The following REC8 variants were observed in gnomAD, a reference collection of about 807,000 sequenced individuals.
The protein encoded by REC8 is REC8 meiotic recombination protein.
In REC8, 42 loss-of-function variants were observed where a neutral mutation model predicts 78.3. That is an observed-to-expected ratio of 0.54 (90% CI 0.42 to 0.69). The LOEUF is 0.69. Among genes scored for constraint, REC8 ranks in the 30% least tolerant of loss-of-function variants. The pLI is 0.00. For synonymous variants in REC8, 268 were observed against 274.1 expected (o/e 0.98, Z 0.22); for missense variants, 581 against 715.8 (o/e 0.81, Z 2.15).
rs1295611524 is a variant in REC8, at chr14:24,173,318, G to A, written c.369G>A (p.Leu123=). Residue 123 remains leucine (L), a synonymous_variant, in exon 5 of 19, where the codon CTG becomes CTA. Transcript: ENST00000611366. ...ELPSLLLPNH[L]AMMETLEDAP... is the part of the protein sequence containing the mutation. ...CCAGCCTGCTGCTTCCTAACCACCT[G>A]GCCATGATGGAGACCCTAGAAGATG... is the stretch of plus-strand genomic sequence containing the variant. 2 of 1,614,052 alleles carry A rather than the reference G, an allele frequency of 1.2e-6. No homozygotes were observed. Among genetic ancestry groups the A allele is most frequent in the Non-Finnish European group, 1.7e-6 (2 of 1,180,016 alleles).
At chr14:24,175,863 C>T (rs1470202024) in intron 6 of REC8, among the ~76,000 whole-genome samples, 3 of 151,914 alleles carry the variant, frequency 2.0e-5, no homozygotes, top group African/African-American at 4.8e-5. Context: ...CTACCATGCC[C>T]GGCGAATTTT....
intron 11 of REC8, 159 bp from the exon 12 acceptor site, chr14:24,177,932 T>G (rs2038973862): frequency 1.5e-5 from 22 of 1,498,880 alleles, no homozygotes; most frequent in Non-Finnish European, 2.0e-5. Context: ...ATGGGTACCC[T>G]TATGCAAGGT....
chr14:24,179,284 A>T, intron 15 of REC8, 113 bp from the exon 16 acceptor site: 2 of 1,275,286 alleles, frequency 1.6e-6, no homozygotes, highest in Non-Finnish European at 1.1e-6. Context: ...TCTCCCACCT[A>T]TGTGCTTTTA....
chr14:24,177,258 C>A, intron 8 of REC8, 36 bp downstream of exon 8: 1 of 1,611,306 alleles, frequency 6.2e-7, no homozygotes, highest in African/African-American at 1.3e-5. Flanking sequence ...CCGCCTGGAG[C>A]TGGATAGTCA....
intron 5 of REC8, 88 bp downstream of exon 5, chr14:24,173,499 G>C: frequency 6.4e-7 from 1 of 1,573,340 alleles, no homozygotes; most frequent in Non-Finnish European, 8.6e-7. Context: ...GTTGGGGAAG[G>C]AAGCTTACCA....
At chr14:24,176,580 G>A (rs147595427) in intron 6 of REC8, among the ~76,000 whole-genome samples, 2 of 152,172 alleles carry the variant, frequency 1.3e-5, no homozygotes, top group African/African-American at 2.4e-5. Context: ...CTGGGCTCAA[G>A]CGATCCAAAG....
chr14:24,178,579 G>A (rs1487101885), intron 12 of REC8, 27 bp from the exon 13 acceptor site: 2 of 1,611,474 alleles, frequency 1.2e-6, no homozygotes, highest in South Asian at 2.2e-5. Context: ...TTTATAATGG[G>A]GCTTCTGACC....
At chr14:24,175,348 T>A in intron 5 of REC8, 195 bp from the exon 6 acceptor site, 1 of 502,090 alleles carries the variant, frequency 2.0e-6, no homozygotes. Flanking sequence ...GGGGTGCGGG[T>A]TGGGGAGGGA....
At chr14:24,175,851 CA>C in intron 6 of REC8, among the ~76,000 whole-genome samples, 1 of 151,728 alleles carries the variant, frequency 6.6e-6, no homozygotes, top group Non-Finnish European at 1.5e-5. Flanking sequence ...TACAGATGTG[CA>C]CTACCATGCC....
At chr14:24,174,963 C>A (rs192818919) in intron 5 of REC8, among the ~76,000 whole-genome samples, 1 of 151,848 alleles carries the variant, frequency 6.6e-6, no homozygotes, top group African/African-American at 2.4e-5. Flanking sequence ...CTCTGTCAAC[C>A]ACAACACTTG....
Position 24,177,131 on chromosome 14 carries a change from C to T in REC8, c.625-10C>T, listed in dbSNP as rs781330490. The T allele has an allele frequency of 1.9e-6, 3 of 1,613,570 alleles. No homozygotes were observed. Among genetic ancestry groups the T allele is most frequent in the East Asian group, 2.2e-5 (1 of 44,880 alleles). ...TGAATCCCCTCCCCTTGCTCTTCCTCTCTGGACAGGGTGAACGGGAGCTCC... is the reference window on the plus strand; with the variant it reads ...TGAATCCCCTCCCCTTGCTCTTCCTTTCTGGACAGGGTGAACGGGAGCTCC... On this transcript the variant is annotated splice_polypyrimidine_tract_variant and intron_variant, in intron 7 of 18. Transcript: ENST00000611366.
At chr14:24,174,578 C>T (rs2038809759) in intron 5 of REC8, among the ~76,000 whole-genome samples, 1 of 152,070 alleles carries the variant, frequency 6.6e-6, no homozygotes, top group Non-Finnish European at 1.5e-5. Context: ...GTGCCTGGCA[C>T]ATACCCCAGT....
At chr14:24,176,627 T>C (rs1765776935) in intron 6 of REC8, among the ~76,000 whole-genome samples, 195 bp from the exon 7 acceptor site, 1 of 152,064 alleles carries the variant, frequency 6.6e-6, no homozygotes, top group Non-Finnish European at 1.5e-5. Context: ...TCGCCCAGCC[T>C]CCCCACTTTA....
At position 24,172,926 on chromosome 14, in the gene REC8, A is replaced by G. The variant is rs2038731869; in HGVS notation, c.153A>G (p.Val51=). ...AGGAAATCCTCAATTACGTGCTGGT[A>G]CGAGTGCAACCCCCGCAGCCCGGCC... ...TCEEILNYVL[V]RVQPPQPGLP... Residue 51 remains valine, a synonymous_variant, in exon 3 of 19, where the codon GTA becomes GTG. Transcript: ENST00000611366. 6.2e-7 allele frequency: 1 copy of G among 1,611,746 alleles called. No individual in the cohort carries two copies. The highest frequency in any genetic ancestry group is 1.1e-5 in the South Asian group (1 of 91,092).
rs923969552 is a variant in REC8, at chr14:24,177,016, G to C, written c.624+115G>C. The C allele has an allele frequency of 6.1e-6, 8 of 1,319,758 alleles. No individual in the cohort carries two copies. The Admixed American group carries it at 1.3e-4, about 21-fold the overall frequency. 81.8% of individuals were successfully genotyped at this position (1,319,758 alleles called of 1,614,324 possible). On this transcript the variant is annotated intron_variant, in intron 7 of 18. Transcript: ENST00000611366. ...TCCCTATTCTCTGTCCCTGGCACTT[G>C]AGCACCCAGTGGCTTCCTTGAACCT...
At chr14:24,178,550 G>A in intron 12 of REC8, 56 bp from the exon 13 acceptor site, 1 of 1,566,318 alleles carries the variant, frequency 6.4e-7, no homozygotes, top group South Asian at 1.1e-5. Context: ...GAGGCAAAGG[G>A]GCCCTGAGGA....
At position 24,178,817 on chromosome 14, in the gene REC8, T is replaced by C. The variant is rs1001965077; in HGVS notation, c.1104T>C (p.His368=). ...LPPELLGLWT[H]CAQPPPKALR... ...CTGAACTACTGGGTCTCTGGACCCA[T>C]TGTGCCCAGCCACCCCCAAAAGCCC... The change falls in exon 14 of 19, where the codon CAT becomes CAC. Residue 368 remains histidine (H), a synonymous_variant. Coordinates refer to ENST00000611366, the MANE Select transcript of REC8 (RefSeq NM_001048205.2). 9 of 1,613,728 alleles carry C rather than the reference T, an allele frequency of 5.6e-6. No individual in the cohort carries two copies. The highest frequency in any genetic ancestry group is 1.7e-5 in the Admixed American group (1 of 60,010).
chr14:24,179,463 G>C lies in REC8; in HGVS notation c.1319G>C (p.Trp440Ser). 1 of 1,614,160 alleles carries C rather than the reference G, an allele frequency of 6.2e-7. No individual in the cohort carries two copies. Among genetic ancestry groups the C allele is most frequent in the South Asian group, 1.1e-5 (1 of 91,090 alleles). The stretch of plus-strand genomic sequence containing the variant: ...AGCCTCATCCCACCAGAAGAACGGT[G>C]GTAAGCGGCCAGGCTCCGTGGGAGC... The part of the protein sequence containing the change: ...RISLIPPEER[W>S]AWPEVEAPEA... The change falls in exon 16 of 19, where the codon TGG becomes TCG. Residue 440 changes from tryptophan to serine, a missense_variant and splice_region_variant. Coordinates refer to ENST00000611366, the MANE Select transcript of REC8 (RefSeq NM_001048205.2).
chr14:24,179,980 C>T (rs556424331), intron 18 of REC8, 30 bp from the exon 19 acceptor site: 35 of 1,614,092 alleles, frequency 2.2e-5, no homozygotes, highest in Admixed American at 1.5e-4. Flanking sequence ...GGGACTCCCC[C>T]GACCTGCCCT....
Sources: allele counts gnomAD v4.1 joint callset (sites outside exome capture counted in the v4.1 genomes callset), GRCh38; gene constraint gnomAD v4.1.1; transcripts MANE v1.5; gene names NCBI Gene and HGNC (gene_info 2026-07-23, HGNC 2026-07-21).